The following ANKRD55 variants were observed in gnomAD, a reference collection of about 807,000 sequenced individuals.
ANKRD55 encodes ankyrin repeat domain-containing protein 55.
Under a neutral mutation model 60.6 loss-of-function variants are expected in ANKRD55, and 41 were observed. The observed-to-expected ratio is 0.68, with a 90% CI of 0.53 to 0.88. The LOEUF (loss-of-function observed/expected upper bound fraction) is 0.88. Among genes scored for constraint, ANKRD55 ranks in the 40% least tolerant of loss-of-function variants. ANKRD55 has a pLI of 0.00. For synonymous variants in ANKRD55, 264 were observed against 290.3 expected (o/e 0.91, Z 0.92); for missense variants, 732 against 767.6 (o/e 0.95, Z 0.55).
At position 56,221,091 on chromosome 5, in the gene ANKRD55, T is replaced by C. The variant is rs141170533; in HGVS notation, c.58+11765A>G. Among the ~76,000 whole-genome samples the C allele has an allele frequency of 9.3e-4, 141 of 152,300 alleles. 3 individuals are homozygous for C. In the Middle Eastern group the frequency reaches 0.027, roughly 29 times the overall value. On this transcript the variant is annotated intron_variant, in intron 2 of 11. Transcript: ENST00000341048. ...TTCTCCTCAATGTTCCTGGGTTTACTCCAGGCTCCCATTCAAGATCTCTGA... is the reference window on the plus strand; with the variant it reads ...TTCTCCTCAATGTTCCTGGGTTTACCCCAGGCTCCCATTCAAGATCTCTGA...
intron 2 of ANKRD55, among the ~76,000 whole-genome samples, chr5:56,223,987 C>G (rs1561299050): frequency 2.6e-5 from 4 of 152,122 alleles, no homozygotes; most frequent in African/African-American, 4.8e-5. Flanking sequence ...CCAAGCGGAC[C>G]TAATAGACAT....
At chr5:56,202,502 T>C (rs570516308) in intron 2 of ANKRD55, among the ~76,000 whole-genome samples, 1 of 152,300 alleles carries the variant, frequency 6.6e-6, no homozygotes, top group African/African-American at 2.4e-5. Context: ...AGGGTGTATT[T>C]CCTGAGATGA....
intron 2 of ANKRD55, among the ~76,000 whole-genome samples, chr5:56,223,600 A>C (rs1385932575): frequency 6.6e-6 from 1 of 152,224 alleles, no homozygotes; most frequent in Non-Finnish European, 1.5e-5. Flanking sequence ...TGCTGTATTC[A>C]GGAGACCCAT....
intron 5 of ANKRD55, among the ~76,000 whole-genome samples, chr5:56,166,160 TC>T (rs372071829): frequency 0.011 from 1,118 of 101,630 alleles, 26 homozygotes; most frequent in Middle Eastern, 0.038. Context: ...CTTTCTTCTT[TC>T]CTTCCTTCCT....
At chr5:56,118,342 C>G (rs1362036550) in intron 8 of ANKRD55, among the ~76,000 whole-genome samples, 1 of 151,996 alleles carries the variant, frequency 6.6e-6, no homozygotes, top group African/African-American at 2.4e-5. Flanking sequence ...TCTTTCAGAA[C>G]TGGCTGGGTG....
chr5:56,183,837 G>A (rs964574502), intron 2 of ANKRD55, among the ~76,000 whole-genome samples: 1 of 152,172 alleles, frequency 6.6e-6, no homozygotes, highest in Non-Finnish European at 1.5e-5. Context: ...ACACCGCCGT[G>A]TATTGGAAAG....
At position 56,183,328 on chromosome 5, in the gene ANKRD55, C is replaced by T. The variant is rs6886809; in HGVS notation, c.181+184G>A. ...GACCTATCTATTTTGGTCATTCATA[C>T]AAAGATATTGAAAACAAACTCAAAC... is the stretch of plus-strand genomic sequence containing the variant. On this transcript the variant is annotated intron_variant, in intron 3 of 11. Transcript: ENST00000341048. 6.6e-5 allele frequency among the ~76,000 whole-genome samples: 10 copies of T among 152,218 alleles called. No individual in the cohort carries two copies. The South Asian group carries it at 2.1e-3, about 32-fold the overall frequency.
intron 8 of ANKRD55, among the ~76,000 whole-genome samples, chr5:56,122,703 T>G (rs1162799339): frequency 6.6e-6 from 1 of 151,806 alleles, no homozygotes; most frequent in Non-Finnish European, 1.5e-5. Context: ...TAAGTACTGA[T>G]GTCACAAAAC....
At position 56,228,425 on chromosome 5, in the gene ANKRD55, G is replaced by A. The variant is rs527322243; in HGVS notation, c.58+4431C>T. ...AGGTTCTAGGAGAAGGCCCCCAGCT[G>A]ACTTTTTTTTTTTTTTTTGAGGTGG... is the stretch of plus-strand genomic sequence containing the variant. On this transcript the variant is annotated intron_variant, in intron 2 of 11. Transcript: ENST00000341048. Among the ~76,000 whole-genome samples the A allele has an allele frequency of 2.7e-5, 4 of 150,226 alleles. No individual in the cohort carries two copies. In the South Asian group the frequency reaches 6.4e-4, roughly 24 times the overall value.
At chr5:56,221,398 G>A (rs1007066673) in intron 2 of ANKRD55, among the ~76,000 whole-genome samples, 3 of 152,214 alleles carry the variant, frequency 2.0e-5, no homozygotes, top group African/African-American at 7.2e-5. Flanking sequence ...AACAGCTCCA[G>A]TCTACAGCTC....
At chr5:56,170,105 C>A (rs1218033946) in intron 5 of ANKRD55, among the ~76,000 whole-genome samples, 1 of 152,198 alleles carries the variant, frequency 6.6e-6, no homozygotes, top group Non-Finnish European at 1.5e-5. Context: ...TTCCTTCTAA[C>A]CCCCTGATCT....
chr5:56,207,595 T>C (rs1174827726), intron 2 of ANKRD55, among the ~76,000 whole-genome samples: 1 of 152,228 alleles, frequency 6.6e-6, no homozygotes, highest in Non-Finnish European at 1.5e-5. Flanking sequence ...CTGTACAGCA[T>C]GTTACTGTAC....
At chr5:56,187,909 G>A (rs1219518342) in intron 2 of ANKRD55, among the ~76,000 whole-genome samples, 1 of 152,190 alleles carries the variant, frequency 6.6e-6, no homozygotes, top group East Asian at 1.9e-4. Flanking sequence ...CTAAGAACAA[G>A]GACCCCCGGT....
At chr5:56,107,084 A>C (rs531707710) in intron 10 of ANKRD55, among the ~76,000 whole-genome samples, 1 of 152,004 alleles carries the variant, frequency 6.6e-6, no homozygotes, top group East Asian at 1.9e-4. Flanking sequence ...GCAATCATTT[A>C]ATGTTTGATC....
At chr5:56,208,018 T>C (rs1190206326) in intron 2 of ANKRD55, among the ~76,000 whole-genome samples, 1 of 152,236 alleles carries the variant, frequency 6.6e-6, no homozygotes, top group African/African-American at 2.4e-5. Context: ...TTTATATCCT[T>C]ATCCTTTAAG....
chr5:56,143,671 C>T (rs1297728540), intron 7 of ANKRD55, 130 bp downstream of exon 7: 4 of 1,351,700 alleles, frequency 3.0e-6, no homozygotes, highest in Non-Finnish European at 4.1e-6. Context: ...GGCAGGGTTT[C>T]TTTTCAACAA....
rs140702122 is a variant in ANKRD55, at chr5:56,131,158, C to CAA, written c.613-4054_613-4053dup. Among the ~76,000 whole-genome samples, 345 of 150,244 alleles carry CAA rather than the reference C, an allele frequency of 2.3e-3. 8 individuals are homozygous for CAA. The East Asian group carries it at 0.041, about 18-fold the overall frequency. ...CAAGCACGATAAATGCCAAAAACAA[C>CAA]AAAAAAAAACAACAAAACAAACAAA... On this transcript the variant is annotated intron_variant, in intron 7 of 11. Coordinates refer to ENST00000341048, the MANE Select transcript of ANKRD55 (RefSeq NM_024669.3).
Position 56,135,290 on chromosome 5 carries a change from G to GCCTGCCTGCTTTCTTT in ANKRD55, c.613-8185_613-8184insAAAGAAAGCAGGCAGG, listed in dbSNP as rs1554038504. 1.0e-4 allele frequency among the ~76,000 whole-genome samples: 7 copies of GCCTGCCTGCTTTCTTT among 69,330 alleles called. No individual in the cohort carries two copies. The East Asian group carries it at 2.6e-3, about 26-fold the overall frequency. The allele number at this position is 69,330 out of a possible 152,430, so 45.5% of individuals were successfully genotyped here. A position where few individuals can be genotyped will look rare whatever the true frequency, so the allele number is the denominator to read the frequency against. On this transcript the variant is annotated intron_variant, in intron 7 of 11. Transcript: ENST00000341048. ...TCCCTCCCTCCCTCCCTGCCTGCCT[G>GCCTGCCTGCTTTCTTT]CTTGCTTTCTTTCTTTCTTTCTTTC...
intron 11 of ANKRD55, 70 bp from the exon 12 acceptor site, chr5:56,100,374 G>A (rs1478975770): frequency 3.8e-6 from 6 of 1,591,986 alleles, no homozygotes; most frequent in East Asian, 4.5e-5. Flanking sequence ...CAGGAGAATT[G>A]TATTGTGTTT....
Sources: allele counts gnomAD v4.1 joint callset (sites outside exome capture counted in the v4.1 genomes callset), GRCh38; gene constraint gnomAD v4.1.1; transcripts MANE v1.5; gene names NCBI Gene and HGNC (gene_info 2026-07-23, HGNC 2026-07-21).